Variants in DCK observed in about 807,000 individuals in gnomAD.
DCK encodes the protein deoxyadenosine kinase.
Under a neutral mutation model 38.3 loss-of-function variants are expected in DCK, and 23 were observed. That is an observed-to-expected ratio of 0.60 (90% CI 0.43 to 0.85). DCK has a LOEUF of 0.85. Among genes scored for constraint, DCK ranks in the 40% least tolerant of loss-of-function variants. The pLI is 0.00. For synonymous variants in DCK, 108 were observed against 100.6 expected, an observed-to-expected ratio of 1.07 and a Z score of -0.44; for missense variants, 259 against 304.4, an observed-to-expected ratio of 0.85 and a Z score of 1.11.
chr4:71,026,372 T>G (rs920130678), intron 5 of DCK, among the ~76,000 whole-genome samples: 2 of 152,076 alleles, frequency 1.3e-5, no homozygotes, highest in African/African-American at 4.8e-5. Context: ...GAGCTTTAGT[T>G]TTCTCATCTT....
intron 2 of DCK, among the ~76,000 whole-genome samples, chr4:71,011,646 C>G (rs988129120): frequency 6.6e-6 from 1 of 152,212 alleles, no homozygotes; most frequent in Non-Finnish European, 1.5e-5. Context: ...ATATGAGTCA[C>G]CATGCCTGGC....
intron 6 of DCK, 108 bp downstream of exon 6, chr4:71,026,863 A>G (rs1247130627): frequency 1.6e-6 from 1 of 608,412 alleles, no homozygotes; most frequent in African/African-American, 1.9e-5. Flanking sequence ...TTACATTAAG[A>G]AACAGTTAAG....
chr4:71,012,790 G>C (rs1042554155), intron 2 of DCK, among the ~76,000 whole-genome samples: 2 of 151,828 alleles, frequency 1.3e-5, no homozygotes, highest in Non-Finnish European at 2.9e-5. Flanking sequence ...AAAGACCAAA[G>C]GTAGATAAAA....
At chr4:71,021,063 T>C (rs1740402495) in intron 2 of DCK, among the ~76,000 whole-genome samples, 1 of 124,670 alleles carries the variant, frequency 8.0e-6, no homozygotes, top group South Asian at 2.6e-4. Context: ...CCAGATGCTA[T>C]TTCTTTTTTT....
Position 71,025,875 on chromosome 4 carries a change from A to G in DCK, c.609A>G (p.Glu203=). 1 of 1,611,432 alleles carries G rather than the reference A, an allele frequency of 6.2e-7. No individual in the cohort carries two copies. Among genetic ancestry groups the G allele is most frequent in the Non-Finnish European group, 8.5e-7 (1 of 1,178,536 alleles). ...GRNEEQGIPL[E]YLEKLHYKHE... ...ATGAAGAGCAAGGCATTCCTCTTGA[A>G]TATTTAGAGAAGCTTCATTATAAAC... The change falls in exon 5 of 7, where the codon GAA becomes GAG. Residue 203 remains glutamate, a synonymous_variant. Coordinates refer to ENST00000286648, the MANE Select transcript of DCK (RefSeq NM_000788.3).
chr4:71,000,274 A>G (rs1739771106), intron 2 of DCK, among the ~76,000 whole-genome samples: 2 of 152,218 alleles, frequency 1.3e-5, no homozygotes, highest in African/African-American at 4.8e-5. Context: ...TTTATTAAAT[A>G]GGGAATCCTT....
intron 2 of DCK, among the ~76,000 whole-genome samples, chr4:71,003,875 T>C (rs1739871646): frequency 6.6e-6 from 1 of 152,232 alleles, no homozygotes; most frequent in African/African-American, 2.4e-5. Flanking sequence ...ATCAAGGTTC[T>C]TAGTTCCTTG....
Position 71,026,760 on chromosome 4 carries a change from A to G in DCK, c.756+5A>G. Reference sequence around the variant, plus strand: ...TATGAAAGTCTGGTTGAAAAGGTAGATTTAGACAGACTACAAACAAATATT... The same window carrying G: ...TATGAAAGTCTGGTTGAAAAGGTAGGTTTAGACAGACTACAAACAAATATT... On this transcript the variant is annotated splice_donor_5th_base_variant and intron_variant, in intron 6 of 6. Transcript: ENST00000286648. 1 of 1,368,590 alleles carries G rather than the reference A, an allele frequency of 7.3e-7. No homozygotes were observed. Among genetic ancestry groups the G allele is most frequent in the Non-Finnish European group, 1.0e-6 (1 of 966,686 alleles). 84.8% of individuals were successfully genotyped at this position (1,368,590 alleles called of 1,614,324 possible).
intron 2 of DCK, among the ~76,000 whole-genome samples, chr4:71,019,714 G>A (rs540065130): frequency 6.4e-4 from 97 of 151,936 alleles, no homozygotes; most frequent in African/African-American, 2.2e-3. Flanking sequence ...TAATGTTTTC[G>A]TAATTTTTTG....
intron 2 of DCK, among the ~76,000 whole-genome samples, chr4:71,014,824 A>T (rs966304639): frequency 1.3e-5 from 2 of 152,244 alleles, no homozygotes; most frequent in African/African-American, 2.4e-5. Flanking sequence ...AGCAGGAGAG[A>T]TCTAAAATTG....
intron 2 of DCK, among the ~76,000 whole-genome samples, chr4:71,000,296 T>A (rs1050780310): frequency 6.6e-6 from 1 of 152,216 alleles, no homozygotes; most frequent in Non-Finnish European, 1.5e-5. Context: ...CCCCATTGCT[T>A]GTTTTTGTCA....
At chr4:71,003,901 T>C (rs148109901) in intron 2 of DCK, among the ~76,000 whole-genome samples, 1 of 152,230 alleles carries the variant, frequency 6.6e-6, no homozygotes, top group African/African-American at 2.4e-5. Flanking sequence ...GGTTAGAACG[T>C]GCTGCTTTAG....
intron 2 of DCK, among the ~76,000 whole-genome samples, chr4:71,014,779 A>T (rs545715316): frequency 1.3e-5 from 2 of 152,232 alleles, no homozygotes; most frequent in Non-Finnish European, 2.9e-5. Context: ...CAGTGTGTAG[A>T]GGGAAATTTA....
At chr4:71,021,805 A>G (rs1740430160) in intron 2 of DCK, among the ~76,000 whole-genome samples, 1 of 152,148 alleles carries the variant, frequency 6.6e-6, no homozygotes, top group African/African-American at 2.4e-5. Context: ...GATGGAGACC[A>G]TCCTGGCTAA....
chr4:71,013,734 T>C (rs1160422791), intron 2 of DCK, among the ~76,000 whole-genome samples: 1 of 152,164 alleles, frequency 6.6e-6, no homozygotes, highest in African/African-American at 2.4e-5. Context: ...CCACCAGGCC[T>C]GCCCTACAAG....
At chr4:70,994,074 C>T (rs1166113310) in intron 1 of DCK, 148 bp downstream of exon 1, 1 of 668,258 alleles carries the variant, frequency 1.5e-6, no homozygotes, top group African/African-American at 1.8e-5. Context: ...TCCTTTCCCA[C>T]CCAGAGCATC....
intron 2 of DCK, among the ~76,000 whole-genome samples, chr4:71,002,541 C>T (rs927975286): frequency 6.6e-6 from 1 of 152,092 alleles, no homozygotes; most frequent in Non-Finnish European, 1.5e-5. Flanking sequence ...TCTTGTTGAT[C>T]TAATATTGAC....
chr4:71,027,596 G>T (rs1459478299), intron 6 of DCK, among the ~76,000 whole-genome samples: 4 of 152,068 alleles, frequency 2.6e-5, no homozygotes, highest in African/African-American at 9.7e-5. Flanking sequence ...TTCTTTTGTG[G>T]CATAATGTCT....
chr4:71,027,535 A>G (rs1265743189), intron 6 of DCK, among the ~76,000 whole-genome samples: 1 of 152,176 alleles, frequency 6.6e-6, no homozygotes, highest in Non-Finnish European at 1.5e-5. Context: ...ATTAAGCTAT[A>G]AAGAAGAAAG....
Sources: gnomAD v4.1 joint callset for allele counts (sites outside exome capture counted in the v4.1 genomes callset) on GRCh38, gnomAD v4.1.1 for gene constraint, MANE v1.5 for transcripts, NCBI Gene and HGNC (gene_info 2026-07-23, HGNC 2026-07-21) for gene names.